The following NTM variants were observed in gnomAD, a reference collection of about 807,000 sequenced individuals.
NTM encodes IgLON family member 2.
In NTM, 13 loss-of-function variants were observed where a neutral mutation model predicts 42.1. The observed-to-expected ratio is 0.31, with a 90% CI of 0.20 to 0.49. The LOEUF (loss-of-function observed/expected upper bound fraction) is 0.49. NTM is among the 20% of genes least tolerant of loss of function. The probability of loss-of-function intolerance (pLI) is 0.99; values close to 1 mark genes in which losing one functional copy is unlikely to be tolerated. For missense variants in NTM, 373 were observed against 452.8 expected (o/e 0.82, Z 1.60); for synonymous variants, 187 against 179.2 (o/e 1.04, Z -0.35).
intron 1 of NTM, among the ~76,000 whole-genome samples, chr11:131,850,734 C>T (rs530524473): frequency 1.3e-5 from 2 of 152,264 alleles, no homozygotes; most frequent in East Asian, 3.9e-4. Flanking sequence ...GCGGTGCCAT[C>T]GGATTTGGCT....
At chr11:131,594,482 G>A (rs2059645250) in intron 1 of NTM, among the ~76,000 whole-genome samples, 1 of 151,676 alleles carries the variant, frequency 6.6e-6, no homozygotes, top group South Asian at 2.1e-4. Context: ...TGCAACCTCC[G>A]CCTCCCAAGC....
At chr11:131,438,259 T>A (rs1949313943) in intron 1 of NTM, among the ~76,000 whole-genome samples, 1 of 152,196 alleles carries the variant, frequency 6.6e-6, no homozygotes, top group African/African-American at 2.4e-5. Context: ...ATTATGTGTC[T>A]TGGGGTTGCT....
chr11:132,028,420 A>C (rs895765582), intron 2 of NTM, among the ~76,000 whole-genome samples: 1 of 152,102 alleles, frequency 6.6e-6, no homozygotes, highest in Non-Finnish European at 1.5e-5. Flanking sequence ...TCAGAGGTTA[A>C]AGTTTCCTCT....
chr11:131,754,596 G>A (rs944065229), intron 1 of NTM, among the ~76,000 whole-genome samples: 2 of 148,644 alleles, frequency 1.3e-5, no homozygotes, highest in Non-Finnish European at 3.0e-5. Context: ...CTGCACTCCA[G>A]CCTGGGCAAC....
chr11:132,240,649 T>C (rs922369276), intron 4 of NTM, among the ~76,000 whole-genome samples: 1 of 152,238 alleles, frequency 6.6e-6, no homozygotes, highest in African/African-American at 2.4e-5. Context: ...CTGTTGAAGA[T>C]ACTTTGCCAC....
intron 2 of NTM, among the ~76,000 whole-genome samples, chr11:132,006,071 G>T (rs2070704122): frequency 6.6e-6 from 1 of 152,076 alleles, no homozygotes; most frequent in Non-Finnish European, 1.5e-5. Context: ...CATCTGATTA[G>T]GCATGCTTCT....
intron 2 of NTM, among the ~76,000 whole-genome samples, chr11:132,063,161 A>C (rs568750408): frequency 1.3e-4 from 20 of 152,296 alleles, no homozygotes; most frequent in South Asian, 1.2e-3. Flanking sequence ...TAGAAGGGGC[A>C]AGGGGACTCT....
intron 1 of NTM, among the ~76,000 whole-genome samples, chr11:131,841,857 C>T (rs2044296540): frequency 6.6e-6 from 1 of 152,122 alleles, no homozygotes; most frequent in Non-Finnish European, 1.5e-5. Flanking sequence ...ACTGAAAGAG[C>T]GTGTCCCACT....
At chr11:131,740,015 G>A (rs912064865) in intron 1 of NTM, among the ~76,000 whole-genome samples, 2 of 152,238 alleles carry the variant, frequency 1.3e-5, no homozygotes, top group South Asian at 2.1e-4. Context: ...GGAGCCAAGC[G>A]TGGGTTTGAA....
intron 1 of NTM, among the ~76,000 whole-genome samples, chr11:131,556,097 T>G (rs2136953590): frequency 6.6e-6 from 1 of 152,286 alleles, no homozygotes; most frequent in East Asian, 1.9e-4. Context: ...GGTGGAGACA[T>G]GCCCTTGGAA....
chr11:131,390,790 C>G (rs576162164), intron 1 of NTM, among the ~76,000 whole-genome samples: 4 of 152,112 alleles, frequency 2.6e-5, no homozygotes, highest in African/African-American at 9.7e-5. Flanking sequence ...AGCCCCACCC[C>G]CAGAGAGCCC....
chr11:131,717,099 C>G (rs914006542), intron 1 of NTM, among the ~76,000 whole-genome samples: 2 of 152,164 alleles, frequency 1.3e-5, no homozygotes, highest in African/African-American at 4.8e-5. Flanking sequence ...TCTCACCCTC[C>G]CAAAGTGCTG....
At chr11:131,822,958 T>C (rs2093253921) in intron 1 of NTM, among the ~76,000 whole-genome samples, 3 of 152,174 alleles carry the variant, frequency 2.0e-5, no homozygotes, top group Admixed American at 6.6e-5. Flanking sequence ...TCTTTCTTCC[T>C]TCCTTCCTTC....
rs796629586 is a variant in NTM, at chr11:131,876,169, G to A, written c.83-35395G>A. 4.6e-5 allele frequency among the ~76,000 whole-genome samples: 7 copies of A among 152,158 alleles called. No homozygotes were observed. In the East Asian group the frequency reaches 7.7e-4, roughly 17 times the overall value. ...GTCTTTCTCCAAGAGTCAGCACTCC[G>A]CAGAGGCTAATCAACAGTGTGCATG... On this transcript the variant is annotated intron_variant, in intron 1 of 8. Transcript: ENST00000683400.
At chr11:131,685,213 T>C (rs563597742) in intron 1 of NTM, among the ~76,000 whole-genome samples, 1 of 152,168 alleles carries the variant, frequency 6.6e-6, no homozygotes, top group Non-Finnish European at 1.5e-5. Flanking sequence ...AACAATCAGC[T>C]TGGGGGGCAG....
intron 1 of NTM, among the ~76,000 whole-genome samples, chr11:131,494,690 T>A (rs1955150147): frequency 6.6e-6 from 1 of 152,128 alleles, no homozygotes; most frequent in Admixed American, 6.5e-5. Flanking sequence ...CATCTATCCA[T>A]GAAAAAAAAA....
At chr11:131,694,181 T>C (rs535971108) in intron 1 of NTM, among the ~76,000 whole-genome samples, 1 of 152,362 alleles carries the variant, frequency 6.6e-6, no homozygotes, top group Admixed American at 6.5e-5. Flanking sequence ...AATGAGAACA[T>C]GCATTTAAAG....
At chr11:131,875,685 C>A (rs2048434286) in intron 1 of NTM, among the ~76,000 whole-genome samples, 1 of 152,204 alleles carries the variant, frequency 6.6e-6, no homozygotes, top group South Asian at 2.1e-4. Flanking sequence ...CACAATGAAT[C>A]GCATAAGAAA....
chr11:131,500,911 C>A (rs2046738181), intron 1 of NTM, among the ~76,000 whole-genome samples: 1 of 141,188 alleles, frequency 7.1e-6, no homozygotes, highest in Non-Finnish European at 1.6e-5. Flanking sequence ...CTACAAAGGA[C>A]ATGAACTCAT....
Sources: gnomAD v4.1 joint callset for allele counts (sites outside exome capture counted in the v4.1 genomes callset) on GRCh38, gnomAD v4.1.1 for gene constraint, MANE v1.5 for transcripts, NCBI Gene and HGNC (gene_info 2026-07-23, HGNC 2026-07-21) for gene names.